The following CELSR1 variants were observed in gnomAD, a reference collection of about 807,000 sequenced individuals.
The protein encoded by CELSR1 is adhesion G protein-coupled receptor C1.
A neutral mutation model predicts 249.1 loss-of-function variants in CELSR1; 110 were observed. That is an observed-to-expected ratio of 0.44 (90% CI 0.38 to 0.52). The LOEUF (loss-of-function observed/expected upper bound fraction) is 0.52, where lower values mean the gene tolerates loss of function less well. CELSR1 is among the 20% of genes least tolerant of loss of function. The pLI is 0.00. For synonymous variants in CELSR1, 2,113 were observed against 1,900.0 expected (o/e 1.11, Z -2.92); for missense variants, 4,109 against 4,296.4 (o/e 0.96, Z 1.22).
intron 2 of CELSR1, among the ~76,000 whole-genome samples, chr22:46,459,518 T>C (rs2147562865): frequency 6.6e-6 from 1 of 152,330 alleles, no homozygotes; most frequent in Admixed American, 6.5e-5. Flanking sequence ...CTCGAGGGTC[T>C]ACAGCTGCAG....
chr22:46,504,488 T>C (rs1431347277), intron 1 of CELSR1, among the ~76,000 whole-genome samples: 1 of 125,900 alleles, frequency 7.9e-6, no homozygotes, highest in Non-Finnish European at 1.6e-5. Context: ...CATCCCAGCC[T>C]GGCGACATCT....
At chr22:46,421,403 C>G (rs2079470932) in intron 5 of CELSR1, among the ~76,000 whole-genome samples, 1 of 152,134 alleles carries the variant, frequency 6.6e-6, no homozygotes, top group South Asian at 2.1e-4. Flanking sequence ...GAGGGCTGCT[C>G]CAGCCCTGGG....
rs2080442353 is a variant in CELSR1, at chr22:46,499,114, C to T, written c.3544+34513G>A. ...AGAATTGCTTGAGCCCGGGCGATGG[C>T]GGTTGCAGTGAGCCGAGATCGTGCC... On this transcript the variant is annotated intron_variant, in intron 1 of 34. Coordinates refer to ENST00000674500, the MANE Select transcript of CELSR1 (RefSeq NM_001378328.1). 2.0e-5 allele frequency among the ~76,000 whole-genome samples: 3 copies of T among 147,818 alleles called. No individual in the cohort carries two copies. The South Asian group carries it at 6.5e-4, about 32-fold the overall frequency.
chr22:46,506,201 A>G lies in CELSR1; in HGVS notation c.3544+27426T>C, dbSNP rs370432858. 1.3e-5 allele frequency among the ~76,000 whole-genome samples: 2 copies of G among 151,776 alleles called. No individual in the cohort carries two copies. The highest frequency in any genetic ancestry group is 4.8e-5 in the African/African-American group (2 of 41,374). Reference sequence around the variant, plus strand: ...AAAAAAAAAAAAAAAAAAGAAAAAGAAAGAAAGACAGAAAAGAAACTACTG... The same window carrying G: ...AAAAAAAAAAAAAAAAAAGAAAAAGGAAGAAAGACAGAAAAGAAACTACTG... On this transcript the variant is annotated intron_variant, in intron 1 of 34. Transcript: ENST00000674500. The surrounding 1 kb of genome is among the most constrained non-coding windows in gnomAD (Gnocchi z 4.1).
At chr22:46,368,007 C>T (rs1411020213) in intron 27 of CELSR1, 152 bp from the exon 28 acceptor site, 21 of 1,121,118 alleles carry the variant, frequency 1.9e-5, no homozygotes, top group Admixed American at 2.4e-5. Context: ...ACCTTGCTCC[C>T]TTCCTCCCCT....
chr22:46,491,186 C>T (rs1410043509), intron 1 of CELSR1, among the ~76,000 whole-genome samples: 3 of 100,866 alleles, frequency 3.0e-5, no homozygotes, highest in Non-Finnish European at 5.9e-5. Flanking sequence ...CATCTCCAGA[C>T]ATGGCCACGT....
At chr22:46,509,387 G>A (rs1287519937) in intron 1 of CELSR1, among the ~76,000 whole-genome samples, 3 of 152,218 alleles carry the variant, frequency 2.0e-5, no homozygotes, top group African/African-American at 7.2e-5. Context: ...GGCCAAGCCA[G>A]CCTCCTCTCT....
chr22:46,398,451 C>T lies in CELSR1; in HGVS notation c.5526+73G>A, dbSNP rs143178587. ...GCTAACAGGTTGACCAACGGAACCA[C>T]CTATGGTGCTGCCAGCCTCGGAGCT... On this transcript the variant is annotated intron_variant, in intron 11 of 34. Transcript: ENST00000674500. This position sits in a 1 kb window ranked among gnomAD's most constrained non-coding sequence, Gnocchi z 7.2. 3.2e-3 allele frequency: 3,491 copies of T among 1,084,606 alleles called. 11 individuals carry two copies. The highest frequency in any genetic ancestry group is 4.2e-3 in the Non-Finnish European group (3,130 of 739,694). 67.2% of individuals were successfully genotyped at this position (1,084,606 alleles called of 1,614,324 possible).
chr22:46,400,006 G>A, intron 9 of CELSR1, 104 bp from the exon 10 acceptor site: 3 of 1,212,270 alleles, frequency 2.5e-6, no homozygotes, highest in East Asian at 2.5e-5. Context: ...GACTGATTAT[G>A]TGGCACCAGA....
intron 1 of CELSR1, among the ~76,000 whole-genome samples, chr22:46,502,146 C>A (rs1602218341): frequency 1.3e-5 from 2 of 151,344 alleles, no homozygotes; most frequent in Non-Finnish European, 2.9e-5. Context: ...GCCTGCAGTC[C>A]CAGCTACTCA....
In CELSR1 at chr22:46,401,563, C is replaced by T. The variant is rs2079210839; in HGVS notation, c.5227-1661G>A. On this transcript the variant is annotated intron_variant, in intron 9 of 34. Coordinates refer to ENST00000674500, the MANE Select transcript of CELSR1 (RefSeq NM_001378328.1). This position sits in a 1 kb window ranked among gnomAD's most constrained non-coding sequence, Gnocchi z 4.7. ...TCACGGCTGCCAGGTACCTGAAACC[C>T]CTGCCCTCCTTGGCACTCTTCAGCC... Among the ~76,000 whole-genome samples the T allele has an allele frequency of 6.6e-6, 1 of 152,156 alleles. No homozygotes were observed.
At chr22:46,435,746 G>C (rs1468677393) in intron 4 of CELSR1, among the ~76,000 whole-genome samples, 1 of 152,090 alleles carries the variant, frequency 6.6e-6, no homozygotes, top group Non-Finnish European at 1.5e-5. Flanking sequence ...CCGTCACCAG[G>C]CTGGGGTGCA....
Position 46,367,840 on chromosome 22 carries a change from G to T in CELSR1, c.7968C>A (p.Thr2656=). Residue 2656 remains threonine (T), a synonymous_variant, in exon 28 of 35, where the codon ACC becomes ACA. Coordinates refer to ENST00000674500, the MANE Select transcript of CELSR1 (RefSeq NM_001378328.1). ...GKKGIVSLLR[T]AFLLLLLISA... is the part of the protein sequence containing the mutation. ...TGATGAGCAGCAGCAGGAGGAATGCGGTCCTCAGCAGGGAGCTGCGGGAGG... is the reference window on the plus strand; with the variant it reads ...TGATGAGCAGCAGCAGGAGGAATGCTGTCCTCAGCAGGGAGCTGCGGGAGG... The T allele has an allele frequency of 6.2e-7, 1 of 1,610,812 alleles. No individual in the cohort carries two copies. Among genetic ancestry groups the T allele is most frequent in the Non-Finnish European group, 8.5e-7 (1 of 1,179,556 alleles).
Position 46,363,152 on chromosome 22 carries a change from A to G in CELSR1, c.*71T>C, listed in dbSNP as rs1254871840. 6.2e-7 allele frequency: 1 copy of G among 1,613,678 alleles called. No individual in the cohort carries two copies. The highest frequency in any genetic ancestry group is 2.2e-5 in the East Asian group (1 of 44,892). ...CTCCAAGGTCTGAGGGTGATGCCGCAGCCTGTGTGGGGTGACGGGCTTGCC... is the reference window on the plus strand; with the variant it reads ...CTCCAAGGTCTGAGGGTGATGCCGCGGCCTGTGTGGGGTGACGGGCTTGCC... On this transcript the variant is annotated 3_prime_UTR_variant, in exon 35 of 35. Transcript: ENST00000674500. The surrounding 1 kb of genome is among the most constrained non-coding windows in gnomAD (Gnocchi z 4.3).
At position 46,536,041 on chromosome 22, in the gene CELSR1, G is replaced by A. The variant is rs770647374; in HGVS notation, c.1130C>T (p.Ala377Val). ...EVGYEVLTIR[A>V]SDRDSPINAN... ...GTTGATGGGCGAGTCGCGGTCGCTG[G>A]CGCGGATGGTCAGCACCTCGTAGCC... The change falls in exon 1 of 35, where the codon GCC becomes GTC. Residue 377 changes from alanine (A) to valine (V), a missense_variant. Transcript: ENST00000674500. 30 of 1,610,364 alleles carry A rather than the reference G, an allele frequency of 1.9e-5. No individual in the cohort carries two copies. The highest frequency in any genetic ancestry group is 2.7e-5 in the African/African-American group (2 of 74,936).
rs183630133 is a variant in CELSR1 at position 46,433,974 on chromosome 22, C to T, written c.4523-493G>A. On this transcript the variant is annotated intron_variant, in intron 4 of 34. Transcript: ENST00000674500. This position sits in a 1 kb window ranked among gnomAD's most constrained non-coding sequence, Gnocchi z 5.7. ...CTGGGATAACGGGCGTGAGCCACCG[C>T]GCCTGGCCTTGTTCCTTTTCTAAAT... 8.3e-3 allele frequency among the ~76,000 whole-genome samples: 1,257 copies of T among 152,320 alleles called. 17 individuals are homozygous for T. Among genetic ancestry groups the T allele is most frequent in the African/African-American group, 0.028 (1,175 of 41,550 alleles).
Position 46,468,901 on chromosome 22 carries a change from C to T in CELSR1, c.3545-4556G>A, listed in dbSNP as rs188246918. Among the ~76,000 whole-genome samples the T allele has an allele frequency of 2.6e-5, 4 of 152,000 alleles. No individual in the cohort carries two copies. Among genetic ancestry groups the T allele is most frequent in the African/African-American group, 9.7e-5 (4 of 41,370 alleles). On this transcript the variant is annotated intron_variant, in intron 1 of 34. Coordinates refer to ENST00000674500, the MANE Select transcript of CELSR1 (RefSeq NM_001378328.1). This position sits in a 1 kb window ranked among gnomAD's most constrained non-coding sequence, Gnocchi z 4.5. ...ACCAGCATGGCCAACATGGTGAAACCCTGTCTCTACTAAAAATACAAAAAG... is the reference window on the plus strand; with the variant it reads ...ACCAGCATGGCCAACATGGTGAAACTCTGTCTCTACTAAAAATACAAAAAG...
At position 46,428,062 on chromosome 22, in the gene CELSR1, GA is replaced by G. The variant is rs916544293; in HGVS notation, c.4611+5330del. ...AAGCAACAGGTGAGCAATCCCTAAT[GA>G]CAGCAGGACCTAGCGGTCATCTCAA... is the stretch of plus-strand genomic sequence containing the variant. On this transcript the variant is annotated intron_variant, in intron 5 of 34. Transcript: ENST00000674500. The surrounding 1 kb of genome is among the most constrained non-coding windows in gnomAD (Gnocchi z 5.7). Among the ~76,000 whole-genome samples the G allele has an allele frequency of 3.3e-5, 5 of 152,268 alleles. No individual in the cohort carries two copies. Among genetic ancestry groups the G allele is most frequent in the Admixed American group, 3.3e-4 (5 of 15,286 alleles).
In CELSR1 at chr22:46,533,830, T is replaced by C. The variant is rs758946859; in HGVS notation, c.3341A>G (p.Asn1114Ser). Residue 1114 changes from asparagine (N) to serine (S), a missense_variant, in exon 1 of 35, where the codon AAC (asparagine) becomes AGC (serine). This residue lies in a region of CELSR1 where 886 missense variants were observed against 896.5 expected (regional missense o/e 0.99). Coordinates refer to ENST00000674500, the MANE Select transcript of CELSR1 (RefSeq NM_001378328.1). ...FQILFNNYVT[N>S]KSNSFPTGVI... ...GCCGGTGGGGAAACTGTTGGACTTG[T>C]TGGTGACATAGTTGTTGAAGAGGAT... 16 of 1,613,726 alleles carry C rather than the reference T, an allele frequency of 9.9e-6. No homozygotes were observed. Among genetic ancestry groups the C allele is most frequent in the Middle Eastern group, 1.6e-4 (1 of 6,084 alleles).
Sources: gnomAD v4.1 joint callset for allele counts (sites outside exome capture counted in the v4.1 genomes callset) on GRCh38, gnomAD v4.1.1 for gene constraint, gnomAD v4.1.1 regional missense constraint, Gnocchi (gnomAD v3.1) non-coding constraint, MANE v1.5 for transcripts, NCBI Gene and HGNC (gene_info 2026-07-23, HGNC 2026-07-21) for gene names.